Variants in ITPR1 observed in about 807,000 individuals in gnomAD.
The protein encoded by ITPR1 is inositol 1,4,5-trisphosphate receptor type 1, also known as inositol 1,4,5-trisphosphate-gated calcium channel ITPR1.
Under a neutral mutation model 318.4 loss-of-function variants are expected in ITPR1, and 96 were observed. That is an observed-to-expected ratio of 0.30 (90% CI 0.26 to 0.36). The LOEUF (loss-of-function observed/expected upper bound fraction) is 0.36. Ranked by LOEUF, ITPR1 falls within the 10% of genes least tolerant of loss-of-function variation. The probability of loss-of-function intolerance (pLI) is 1.00; values close to 1 mark genes in which losing one functional copy is unlikely to be tolerated. For synonymous variants in ITPR1, 1,312 were observed against 1,289.9 expected, an observed-to-expected ratio of 1.02 and a Z score of -0.37; for missense variants, 2,440 against 3,460.2, an observed-to-expected ratio of 0.71 and a Z score of 7.40.
intron 4 of ITPR1, among the ~76,000 whole-genome samples, chr3:4,580,947 A>G (rs2089274923): frequency 6.6e-6 from 1 of 152,110 alleles, no homozygotes; most frequent in Non-Finnish European, 1.5e-5. Context: ...AATACCAATC[A>G]CGTTAGGTGC....
At chr3:4,603,353 AC>A (rs2091441457) in intron 4 of ITPR1, among the ~76,000 whole-genome samples, 1 of 152,062 alleles carries the variant, frequency 6.6e-6, no homozygotes, top group Non-Finnish European at 1.5e-5. Flanking sequence ...TGAGCATAGC[AC>A]CCAATAGGTA....
At chr3:4,679,958 A>G (rs545328428) in intron 24 of ITPR1, among the ~76,000 whole-genome samples, 2 of 152,124 alleles carry the variant, frequency 1.3e-5, no homozygotes, top group African/African-American at 2.4e-5. Context: ...AGATCCCTAC[A>G]TGATGTCAGC....
intron 58 of ITPR1, 170 bp downstream of exon 58, chr3:4,814,732 G>A (rs2049178360): frequency 3.0e-6 from 2 of 673,538 alleles, no homozygotes; most frequent in Non-Finnish European, 2.5e-6. Context: ...TATCACGTGA[G>A]GTGGTGCCGC....
chr3:4,844,383 C>T (rs1480955754), intron 61 of ITPR1, among the ~76,000 whole-genome samples: 2 of 152,154 alleles, frequency 1.3e-5, no homozygotes, highest in Admixed American at 1.3e-4. Context: ...CTCAGCCTCC[C>T]CAAGTGGTGG....
intron 4 of ITPR1, among the ~76,000 whole-genome samples, chr3:4,543,674 C>G (rs994001579): frequency 6.6e-6 from 1 of 152,158 alleles, no homozygotes; most frequent in Non-Finnish European, 1.5e-5. Flanking sequence ...AACTCCTGAT[C>G]TCAAGTGATC....
At chr3:4,501,934 T>C (rs1337928999) in intron 2 of ITPR1, among the ~76,000 whole-genome samples, 1 of 152,224 alleles carries the variant, frequency 6.6e-6, no homozygotes, top group Non-Finnish European at 1.5e-5. Flanking sequence ...CTTGATATAA[T>C]GCGGCTTATC....
intron 13 of ITPR1, among the ~76,000 whole-genome samples, chr3:4,658,881 T>C (rs534380360): frequency 1.3e-5 from 2 of 152,282 alleles, no homozygotes; most frequent in Non-Finnish European, 2.9e-5. Flanking sequence ...CTGACACTTA[T>C]TGAGCGCTGA....
chr3:4,679,323 C>G (rs987422449), intron 24 of ITPR1, among the ~76,000 whole-genome samples: 1 of 152,194 alleles, frequency 6.6e-6, no homozygotes, highest in Non-Finnish European at 1.5e-5. Context: ...ATTGGCCTCA[C>G]GCAGTTACGG....
At chr3:4,717,658 T>C (rs1487125182) in intron 40 of ITPR1, among the ~76,000 whole-genome samples, 4 of 152,230 alleles carry the variant, frequency 2.6e-5, no homozygotes, top group Non-Finnish European at 5.9e-5. Context: ...AATTGTTCAC[T>C]GTCTAAAATC....
At chr3:4,549,814 C>G (rs1054681453) in intron 4 of ITPR1, among the ~76,000 whole-genome samples, 1 of 152,136 alleles carries the variant, frequency 6.6e-6, no homozygotes, top group Non-Finnish European at 1.5e-5. Context: ...GGCCATTTCT[C>G]TGCATATTCT....
intron 5 of ITPR1, among the ~76,000 whole-genome samples, chr3:4,639,055 G>A (rs1429988680): frequency 1.3e-5 from 2 of 152,088 alleles, no homozygotes; most frequent in African/African-American, 2.4e-5. Context: ...TTATAAAGGG[G>A]CTATGCAAAT....
At chr3:4,550,501 A>G (rs1400074615) in intron 4 of ITPR1, among the ~76,000 whole-genome samples, 1 of 152,238 alleles carries the variant, frequency 6.6e-6, no homozygotes, top group East Asian at 1.9e-4. Context: ...GACATAATAA[A>G]TATCCCTAAA....
intron 4 of ITPR1, among the ~76,000 whole-genome samples, chr3:4,543,451 C>CAAAACA (rs980763130): frequency 2.0e-5 from 3 of 152,128 alleles, no homozygotes; most frequent in African/African-American, 4.8e-5. Flanking sequence ...CAAAACAAAA[C>CAAAACA]AAAACAAAAA....
chr3:4,555,101 T>C (rs2085993302), intron 4 of ITPR1, among the ~76,000 whole-genome samples: 1 of 152,266 alleles, frequency 6.6e-6, no homozygotes, highest in East Asian at 1.9e-4. Context: ...TAATAAAGGA[T>C]GAAGTGTTGG....
intron 7 of ITPR1, among the ~76,000 whole-genome samples, chr3:4,643,764 T>C (rs1176092046): frequency 6.6e-6 from 1 of 152,174 alleles, no homozygotes; most frequent in Non-Finnish European, 1.5e-5. Context: ...CATAAAGTTA[T>C]GGCTTTGTCA....
intron 59 of ITPR1, chr3:4,816,057 C>T (rs960539534): frequency 1.3e-5 from 2 of 151,976 alleles, no homozygotes; most frequent in African/African-American, 4.8e-5. Context: ...TTTCTTATCC[C>T]TAAATATTTT....
chr3:4,833,377 G>A (rs536089344), intron 60 of ITPR1, among the ~76,000 whole-genome samples: 13 of 152,320 alleles, frequency 8.5e-5, no homozygotes, highest in African/African-American at 3.1e-4. Flanking sequence ...CCTCATTAAT[G>A]TGGACTCTGT....
intron 4 of ITPR1, among the ~76,000 whole-genome samples, chr3:4,616,985 A>G (rs901513314): frequency 6.6e-6 from 1 of 151,892 alleles, no homozygotes; most frequent in African/African-American, 2.4e-5. Flanking sequence ...TCTCTTCCCT[A>G]CAGCGTCCTT....
intron 4 of ITPR1, among the ~76,000 whole-genome samples, chr3:4,549,818 A>G (rs367887013): frequency 1.1e-4 from 17 of 152,252 alleles, no homozygotes; most frequent in African/African-American, 4.1e-4. Context: ...ATTTCTCTGC[A>G]TATTCTCCCA....
Sources: gnomAD v4.1 joint callset for allele counts (sites outside exome capture counted in the v4.1 genomes callset) on GRCh38, gnomAD v4.1.1 for gene constraint, MANE v1.5 for transcripts, NCBI Gene and HGNC (gene_info 2026-07-23, HGNC 2026-07-21) for gene names.